Variants in ACADSB observed in about 807,000 individuals in gnomAD.
The protein encoded by ACADSB is acyl-CoA dehydrogenase short/branched chain, also known as short/branched chain specific acyl-CoA dehydrogenase, mitochondrial.
A neutral mutation model predicts 54.1 loss-of-function variants in ACADSB; 40 were observed. The observed-to-expected ratio is 0.74, with a 90% CI of 0.57 to 0.96. ACADSB has a LOEUF of 0.96. Ranked by LOEUF, ACADSB falls within the 40% of genes least tolerant of loss-of-function variation. ACADSB has a pLI of 0.00. For missense variants in ACADSB, 530 were observed against 510.4 expected, an observed-to-expected ratio of 1.04 and a Z score of -0.37; for synonymous variants, 182 against 182.8, an observed-to-expected ratio of 1.00 and a Z score of 0.03.
chr10:123,033,822 T>C (rs986227253), intron 1 of ACADSB, among the ~76,000 whole-genome samples: 5 of 152,180 alleles, frequency 3.3e-5, no homozygotes, highest in Admixed American at 3.3e-4. Context: ...ATTTTCTTAA[T>C]TTTTATGCTG....
rs748754507 is a variant in ACADSB, at chr10:123,040,588, G to A, written c.426G>A (p.Gln142=). 1.9e-6 allele frequency: 3 copies of A among 1,613,900 alleles called. No homozygotes were observed. The African/African-American group carries it at 4.0e-5, about 22-fold the overall frequency. Residue 142 remains glutamine, a synonymous_variant, in exon 4 of 11, where the codon CAG becomes CAA. Coordinates refer to ENST00000358776, the MANE Select transcript of ACADSB (RefSeq NM_001609.4). Reference sequence around the variant, plus strand: ...CTGTGGCTGTCTTTTGTGAGATCCAGAACACATTAATTAACACACTGATTA... The same window carrying A: ...CTGTGGCTGTCTTTTGTGAGATCCAAAACACATTAATTAACACACTGATTA... The part of the protein sequence containing the change: ...DASVAVFCEI[Q]NTLINTLIRK...
intron 10 of ACADSB, 97 bp from the exon 11 acceptor site, chr10:123,053,596 CTG>C: frequency 9.9e-7 from 1 of 1,011,664 alleles, no homozygotes; most frequent in Non-Finnish European, 1.6e-6. Flanking sequence ...TGACTAGTAA[CTG>C]TTTTATAGCA....
intron 1 of ACADSB, among the ~76,000 whole-genome samples, chr10:123,021,890 G>A (rs1850189508): frequency 6.6e-6 from 1 of 152,034 alleles, no homozygotes; most frequent in Non-Finnish European, 1.5e-5. Context: ...TGACTTTTCT[G>A]TTTTTCCCAA....
At chr10:123,016,924 G>A (rs1030087603) in intron 1 of ACADSB, among the ~76,000 whole-genome samples, 28 of 152,184 alleles carry the variant, frequency 1.8e-4, no homozygotes, top group Non-Finnish European at 8.8e-5. Flanking sequence ...GCCAGCTAAT[G>A]GAGCTGGTGG....
chr10:123,033,180 A>G (rs111513347), intron 1 of ACADSB, among the ~76,000 whole-genome samples: 3,620 of 152,236 alleles, frequency 0.024, 63 homozygotes, highest in Middle Eastern at 0.041. Context: ...ACTGACTCCT[A>G]CTTCTGAAAA....
intron 5 of ACADSB, among the ~76,000 whole-genome samples, chr10:123,042,340 T>A (rs1266532432): frequency 2.0e-5 from 3 of 152,262 alleles, no homozygotes; most frequent in African/African-American, 7.2e-5. Flanking sequence ...AGTACATTTA[T>A]TTTTAAGAAT....
At chr10:123,038,390 T>C (rs568864651) in intron 3 of ACADSB, among the ~76,000 whole-genome samples, 3 of 152,326 alleles carry the variant, frequency 2.0e-5, no homozygotes, top group Non-Finnish European at 2.9e-5. Context: ...GAATTCCACA[T>C]AAACCGGGCA....
At chr10:123,027,584 T>C (rs566189686) in intron 1 of ACADSB, 20 of 454,272 alleles carry the variant, frequency 4.4e-5, no homozygotes, top group Admixed American at 9.4e-5. Context: ...CTCCCAGCCA[T>C]ATGGAACTGT....
chr10:123,019,805 A>G (rs1309299913), intron 1 of ACADSB, among the ~76,000 whole-genome samples: 1 of 152,208 alleles, frequency 6.6e-6, no homozygotes, highest in Non-Finnish European at 1.5e-5. Context: ...GACAGTTCCA[A>G]CAGCATAAGG....
chr10:123,056,999 C>G lies in ACADSB; in HGVS notation c.*3234C>G, dbSNP rs3763738. On this transcript the variant is annotated 3_prime_UTR_variant, in exon 11 of 11. Coordinates refer to ENST00000358776, the MANE Select transcript of ACADSB (RefSeq NM_001609.4). ...GAGATGATGAAAACCCACTCATTCACTCTTTCAGAACAAAAAGACAGTCAT... is the reference window on the plus strand; with the variant it reads ...GAGATGATGAAAACCCACTCATTCAGTCTTTCAGAACAAAAAGACAGTCAT... 0.98 allele frequency: 150,170 copies of G among 152,794 alleles called. 73,857 individuals are homozygous for G. Among genetic ancestry groups the G allele is most frequent in the Middle Eastern group, 1 (294 of 294 alleles). The allele number at this position is 152,794 out of a possible 1,614,324, so 9.5% of individuals were successfully genotyped here.
At chr10:123,024,064 A>C (rs1850217223) in intron 1 of ACADSB, among the ~76,000 whole-genome samples, 1 of 152,192 alleles carries the variant, frequency 6.6e-6, no homozygotes, top group African/African-American at 2.4e-5. Context: ...GCCTACTATG[A>C]GCTTTCCTTT....
At chr10:123,042,937 T>C (rs1010664790) in intron 5 of ACADSB, 109 bp from the exon 6 acceptor site, 3 of 1,253,234 alleles carry the variant, frequency 2.4e-6, no homozygotes, top group Non-Finnish European at 3.4e-6. Context: ...CTGAGTCCAT[T>C]AGTATTTATT....
intron 1 of ACADSB, among the ~76,000 whole-genome samples, 183 bp from the exon 2 acceptor site, chr10:123,034,173 T>A (rs1850365098): frequency 7.1e-6 from 1 of 140,322 alleles, no homozygotes. Flanking sequence ...CATAGCTGGA[T>A]AAAGAAGGTA....
intron 7 of ACADSB, among the ~76,000 whole-genome samples, chr10:123,046,290 G>T (rs1442648050): frequency 5.3e-5 from 8 of 152,174 alleles, no homozygotes; most frequent in African/African-American, 1.7e-4. Context: ...TGATAAGTCT[G>T]CTGGGCATTT....
Position 123,053,852 on chromosome 10 carries a change from G to C in ACADSB, c.*87G>C, listed in dbSNP as rs992371327. ...TTGTTGGGAGTAAGTGCCTTGCGTG[G>C]GAATAAACTTCCACAGCATTCGAAT... On this transcript the variant is annotated 3_prime_UTR_variant, in exon 11 of 11. Transcript: ENST00000358776. 8.5e-7 allele frequency: 1 copy of C among 1,170,652 alleles called. No homozygotes were observed. The highest frequency in any genetic ancestry group is 2.3e-5 in the East Asian group (1 of 42,650). 72.5% of individuals were successfully genotyped at this position (1,170,652 alleles called of 1,614,324 possible). A position where few individuals can be genotyped will look rare whatever the true frequency, so the allele number is the denominator to read the frequency against.
intron 8 of ACADSB, among the ~76,000 whole-genome samples, chr10:123,048,243 C>A (rs1212046538): frequency 6.6e-6 from 1 of 152,156 alleles, no homozygotes; most frequent in East Asian, 1.9e-4. Context: ...TCAGATTGCA[C>A]ATGTGTAGAG....
chr10:123,009,904 T>C (rs982678289), intron 1 of ACADSB, among the ~76,000 whole-genome samples: 2 of 152,244 alleles, frequency 1.3e-5, no homozygotes, highest in African/African-American at 4.8e-5. Context: ...ATTTTCCCAC[T>C]GCTTACGTGT....
intron 2 of ACADSB, among the ~76,000 whole-genome samples, chr10:123,034,840 G>A (rs1850376045): frequency 6.6e-6 from 1 of 152,188 alleles, no homozygotes; most frequent in African/African-American, 2.4e-5. Flanking sequence ...TAGTTCCCCA[G>A]TTCTTGCCAC....
At chr10:123,053,557 G>GTA in intron 10 of ACADSB, 138 bp from the exon 11 acceptor site, 1 of 788,676 alleles carries the variant, frequency 1.3e-6, no homozygotes. Context: ...CTGTGAAATA[G>GTA]TACCATATTC....
Sources: gnomAD v4.1 joint callset for allele counts (sites outside exome capture counted in the v4.1 genomes callset) on GRCh38, gnomAD v4.1.1 for gene constraint, MANE v1.5 for transcripts, NCBI Gene and HGNC (gene_info 2026-07-23, HGNC 2026-07-21) for gene names.